IQCE: variants seen among roughly 807,000 people sequenced by gnomAD.
The protein encoded by IQCE is IQ motif containing E.
IQCE carries 115 observed loss-of-function variants against 96.0 expected under a neutral mutation model. The observed-to-expected ratio is 1.20, with a 90% CI of 1.03 to 1.40. The LOEUF (loss-of-function observed/expected upper bound fraction) is 1.40. Ranked by LOEUF, IQCE falls within the 40% of genes most tolerant of loss-of-function variation. IQCE has a pLI of 0.00. For synonymous variants in IQCE, 412 were observed against 371.2 expected, an observed-to-expected ratio of 1.11 and a Z score of -1.26; for missense variants, 1,041 against 909.1, an observed-to-expected ratio of 1.15 and a Z score of -1.87.
Position 2,582,644 on chromosome 7 carries a change from C to T in IQCE, c.695C>T (p.Thr232Ile), listed in dbSNP as rs776646938. ...LEQQCKEKDGTISKLQTDMKT... is the reference protein window; with the variant it reads ...LEQQCKEKDGIISKLQTDMKT... ...CAGCAGTGCAAGGAGAAGGACGGCA[C>T]CATCAGGTGGGCGCAGGGCTGCACC... The change falls in exon 9 of 22, where the codon ACC becomes ATC. Residue 232 changes from threonine to isoleucine, a missense_variant. Thr to Ile is a moderately conservative substitution (Grantham distance 89, BLOSUM62 -1). Transcript: ENST00000402050. 15 of 1,613,792 alleles carry T rather than the reference C, an allele frequency of 9.3e-6. 1 individual carries two copies. Among genetic ancestry groups the T allele is most frequent in the Non-Finnish European group, 1.3e-5 (15 of 1,179,794 alleles).
chr7:2,572,668 G>T (rs768149983), intron 5 of IQCE: 6 of 475,464 alleles, frequency 1.3e-5, no homozygotes, highest in Non-Finnish European at 2.5e-5. Flanking sequence ...AGTCCAAGTC[G>T]CACCAAAGAG....
intron 15 of IQCE, 68 bp downstream of exon 15, chr7:2,593,194 C>G: frequency 7.9e-6 from 12 of 1,521,062 alleles, no homozygotes; most frequent in Non-Finnish European, 9.8e-6. Context: ...ACTGCGGCCC[C>G]CCGTGGCGTC....
intron 2 of IQCE, among the ~76,000 whole-genome samples, chr7:2,567,618 A>G (rs2969039): frequency 0.78 from 119,530 of 152,288 alleles, 47,419 homozygotes; most frequent in African/African-American, 0.89. Context: ...GTGGCACACT[A>G]TGGCCCCGGA....
At chr7:2,581,656 C>A (rs961228596) in intron 8 of IQCE, among the ~76,000 whole-genome samples, 1 of 151,564 alleles carries the variant, frequency 6.6e-6, no homozygotes, top group Non-Finnish European at 1.5e-5. Context: ...GTCTGGGCAA[C>A]ATAGTGAAAC....
intron 11 of IQCE, among the ~76,000 whole-genome samples, chr7:2,585,699 G>A (rs1402312828): frequency 5.3e-5 from 8 of 152,260 alleles, no homozygotes; most frequent in South Asian, 2.1e-4. Flanking sequence ...GGGAACGTGC[G>A]CGCCAGCGAC....
intron 8 of IQCE, among the ~76,000 whole-genome samples, chr7:2,579,665 G>C (rs1583432871): frequency 6.6e-6 from 1 of 151,536 alleles, no homozygotes; most frequent in Non-Finnish European, 1.5e-5. Flanking sequence ...GGGTACTTTT[G>C]TAAAGAAAAG....
chr7:2,591,941 TGC>T (rs1307617914), intron 14 of IQCE, among the ~76,000 whole-genome samples: 2 of 134,286 alleles, frequency 1.5e-5, no homozygotes, highest in East Asian at 4.4e-4. Context: ...CCTCCCAAAG[TGC>T]TGGGATTACA....
intron 4 of IQCE, 38 bp downstream of exon 4, chr7:2,571,692 G>A (rs755477684): frequency 1.9e-6 from 3 of 1,573,476 alleles, no homozygotes; most frequent in African/African-American, 2.7e-5. Context: ...TCCTGCTTGA[G>A]AGAAGAGTTC....
rs1466026860 is a variant in IQCE at position 2,568,997 on chromosome 7, C to A, written c.128C>A (p.Pro43Gln). 1 of 1,613,802 alleles carries A rather than the reference C, an allele frequency of 6.2e-7. No homozygotes were observed. Among genetic ancestry groups the A allele is most frequent in the South Asian group, 1.1e-5 (1 of 91,088 alleles). Residue 43 changes from proline to glutamine, a missense_variant and splice_region_variant, in exon 3 of 22, where the codon CCA becomes CAA. By Grantham distance (76) the Pro-to-Gln change is moderately conservative. Transcript: ENST00000402050. ...TTCCACAAACCTCCACCCACATCGC[C>A]AAGTAAGTATGACGAGGCCTGCCTT... is the stretch of plus-strand genomic sequence containing the variant. ...KAFHKPPPTS[P>Q]KSPYLSKPRK...
At position 2,610,106 on chromosome 7, in the gene IQCE, G is replaced by C. The variant is rs763176616; in HGVS notation, c.2032G>C (p.Asp678His). 1 of 1,613,496 alleles carries C rather than the reference G, an allele frequency of 6.2e-7. No homozygotes were observed. The highest frequency in any genetic ancestry group is 1.1e-5 in the South Asian group (1 of 91,074). The change falls in exon 22 of 22, where the codon GAT (aspartate) becomes CAT (histidine). Residue 678 changes from aspartate (D) to histidine (H), a missense_variant. Asp to His is a moderately conservative substitution (Grantham distance 81, BLOSUM62 -1). Transcript: ENST00000402050. ...ACCTGGGGATGACGTCAACTCCGAT[G>C]ATTCCGACGATATTGTCATTGCACC... is the stretch of plus-strand genomic sequence containing the variant. ...PLPGDDVNSDDSDDIVIAPSL... is the reference protein window; with the variant it reads ...PLPGDDVNSDHSDDIVIAPSL...
chr7:2,564,522 C>T (rs1378741365), intron 1 of IQCE, among the ~76,000 whole-genome samples: 4 of 151,592 alleles, frequency 2.6e-5, no homozygotes, highest in East Asian at 1.9e-4. Context: ...CGCTTGTACC[C>T]GGGAGGTGGA....
At chr7:2,564,223 A>G (rs1781193295) in intron 1 of IQCE, among the ~76,000 whole-genome samples, 1 of 152,054 alleles carries the variant, frequency 6.6e-6, no homozygotes, top group Admixed American at 6.6e-5. Context: ...AAAAAACAAA[A>G]AATTTCACTC....
At chr7:2,563,138 C>T (rs1376062185) in intron 1 of IQCE, among the ~76,000 whole-genome samples, 1 of 152,114 alleles carries the variant, frequency 6.6e-6, no homozygotes, top group Non-Finnish European at 1.5e-5. Context: ...GTCACCCAGG[C>T]TGGTCTCGAA....
intron 20 of IQCE, 108 bp downstream of exon 20, chr7:2,606,105 C>A: frequency 7.7e-7 from 1 of 1,305,746 alleles, no homozygotes; most frequent in Non-Finnish European, 1.0e-6. Context: ...ACTGGAGCAG[C>A]GCCTGCCGCC....
chr7:2,584,525 G>A (rs957870841), intron 11 of IQCE: 23 of 519,214 alleles, frequency 4.4e-5, no homozygotes, highest in Non-Finnish European at 7.0e-5. Flanking sequence ...GCCCGTGTTC[G>A]TTATAGATTC....
rs1046403145 is a variant in IQCE at position 2,598,643 on chromosome 7, C to G, written c.1608+11C>G. The G allele has an allele frequency of 1.1e-5, 17 of 1,510,064 alleles. No individual in the cohort carries two copies. In the African/African-American group the frequency reaches 2.1e-4, roughly 19 times the overall value. The allele number at this position is 1,510,064 out of a possible 1,614,324, so 93.5% of individuals were successfully genotyped here. A position where few individuals can be genotyped will look rare whatever the true frequency, so the allele number is the denominator to read the frequency against. On this transcript the variant is annotated intron_variant, in intron 17 of 21. Coordinates refer to ENST00000402050, the MANE Select transcript of IQCE (RefSeq NM_152558.5). ...GTGTACAAGCACAAGGTGAGGCTCC[C>G]CGGGGCGACCCGGGCTGCTCCCTGT...
At chr7:2,561,826 A>G (rs1360167666) in intron 1 of IQCE, among the ~76,000 whole-genome samples, 1 of 152,170 alleles carries the variant, frequency 6.6e-6, no homozygotes, top group African/African-American at 2.4e-5. Flanking sequence ...CTATGTATAA[A>G]ATCATGTTGT....
At chr7:2,597,939 A>T (rs1159992831) in intron 16 of IQCE, among the ~76,000 whole-genome samples, 2 of 152,180 alleles carry the variant, frequency 1.3e-5, no homozygotes, top group Non-Finnish European at 2.9e-5. Flanking sequence ...CATTGTTGGG[A>T]TTACAAGCAT....
intron 1 of IQCE, among the ~76,000 whole-genome samples, chr7:2,565,719 G>C (rs1406943467): frequency 6.6e-6 from 1 of 152,072 alleles, no homozygotes; most frequent in Non-Finnish European, 1.5e-5. Context: ...AATACACTTT[G>C]CTAAAAGGAA....
Sources: gnomAD v4.1 joint callset for allele counts (sites outside exome capture counted in the v4.1 genomes callset) on GRCh38, gnomAD v4.1.1 for gene constraint, MANE v1.5 for transcripts, NCBI Gene and HGNC (gene_info 2026-07-23, HGNC 2026-07-21) for gene names.